Variants in STARD13 observed in about 807,000 individuals in gnomAD.
STARD13 encodes the protein StAR related lipid transfer domain containing 13.
Under a neutral mutation model 106.4 loss-of-function variants are expected in STARD13, and 62 were observed. The observed-to-expected ratio is 0.58, with a 90% CI of 0.48 to 0.72. The LOEUF (loss-of-function observed/expected upper bound fraction) is 0.72. Ranked by LOEUF, STARD13 falls within the 30% of genes least tolerant of loss-of-function variation. The pLI, the probability that STARD13 is intolerant of heterozygous loss-of-function variation, is 0.00. For synonymous variants in STARD13, 565 were observed against 553.0 expected, an observed-to-expected ratio of 1.02 and a Z score of -0.31; for missense variants, 1,387 against 1,424.0, an observed-to-expected ratio of 0.97 and a Z score of 0.42.
At chr13:33,151,360 T>C (rs1881257723) in intron 3 of STARD13, among the ~76,000 whole-genome samples, 1 of 151,720 alleles carries the variant, frequency 6.6e-6, no homozygotes, top group Non-Finnish European at 1.5e-5. Context: ...CAGCAGAAGG[T>C]GAAGAGAGGG....
chr13:33,369,694 A>G, the STARD13 span, among the ~76,000 whole-genome samples: 2 of 152,236 alleles, frequency 1.3e-5, no homozygotes, highest in African/African-American at 4.8e-5. Context: ...ATACATGCAC[A>G]TATAAGTGCA....
At chr13:33,276,743 A>G (rs1367972617) in intron 1 of STARD13, 1 of 152,180 alleles carries the variant, frequency 6.6e-6, no homozygotes, top group Non-Finnish European at 1.5e-5. Flanking sequence ...TGACATGTAA[A>G]TTAGGTACTT....
At chr13:33,548,103 T>C in the STARD13 span, among the ~76,000 whole-genome samples, 1 of 152,160 alleles carries the variant, frequency 6.6e-6, no homozygotes, top group Non-Finnish European at 1.5e-5. Context: ...TACAATATAG[T>C]TTTTGGGAAT....
In STARD13 at chr13:33,350,289, C is replaced by A; in HGVS notation, c.124+1G>T. ...GGTCGCGGCGTCTCCGGGGCACTGA[C>A]CTGCCAGCCGCCTCTCCCGGACGTT... is the stretch of plus-strand genomic sequence containing the variant. On this transcript the variant is annotated splice_donor_variant, in intron 1 of 1. Coordinates refer to the STARD13 transcript ENST00000439831. LOFTEE classifies it high-confidence loss of function. 6.5e-7 allele frequency: 1 copy of A among 1,531,056 alleles called. No individual in the cohort carries two copies. The highest frequency in any genetic ancestry group is 1.2e-5 in the South Asian group (1 of 83,332). The allele number at this position is 1,531,056 out of a possible 1,614,324, so 94.8% of individuals were successfully genotyped here.
At chr13:33,510,507 G>A in the STARD13 span, among the ~76,000 whole-genome samples, 1 of 152,252 alleles carries the variant, frequency 6.6e-6, no homozygotes, top group Admixed American at 6.5e-5. Context: ...CTCTAGGGCT[G>A]CTATCATGGA....
At chr13:33,182,337 G>A (rs775896091) in intron 1 of STARD13, among the ~76,000 whole-genome samples, 7 of 152,186 alleles carry the variant, frequency 4.6e-5, no homozygotes, top group Non-Finnish European at 5.9e-5. Flanking sequence ...ACAGTTCTAT[G>A]AGTCTGACAC....
At chr13:33,250,481 A>G (rs752845599) in intron 1 of STARD13, among the ~76,000 whole-genome samples, 2 of 152,210 alleles carry the variant, frequency 1.3e-5, no homozygotes, top group Non-Finnish European at 2.9e-5. Context: ...AGAGTTGCAG[A>G]TGTGGCATGG....
At chr13:33,564,814 A>G in the STARD13 span, among the ~76,000 whole-genome samples, 20 of 146,258 alleles carry the variant, frequency 1.4e-4, 1 homozygote, top group African/African-American at 4.6e-4. Flanking sequence ...TAACACGGTG[A>G]AACCCTGTCT....
the STARD13 span, among the ~76,000 whole-genome samples, chr13:33,370,231 G>A: frequency 6.6e-6 from 1 of 152,144 alleles, no homozygotes; most frequent in African/African-American, 2.4e-5. Flanking sequence ...TGAATCTATT[G>A]TAAACAGCTA....
intron 3 of STARD13, among the ~76,000 whole-genome samples, chr13:33,156,290 C>T (rs1049009716): frequency 5.3e-5 from 8 of 152,206 alleles, no homozygotes; most frequent in East Asian, 1.9e-4. Context: ...ATGTTGGGCA[C>T]GGCTCCTTCT....
the STARD13 span, among the ~76,000 whole-genome samples, chr13:33,511,872 C>G: frequency 3.3e-5 from 5 of 152,040 alleles, no homozygotes; most frequent in African/African-American, 1.2e-4. Context: ...ATACACTAGC[C>G]CCATGTAATA....
At chr13:33,658,896 A>C in the STARD13 span, among the ~76,000 whole-genome samples, 1 of 152,158 alleles carries the variant, frequency 6.6e-6, no homozygotes, top group Non-Finnish European at 1.5e-5. Flanking sequence ...GCAGTGATTT[A>C]ATCAATCATA....
At chr13:33,334,027 A>G (rs1275135210) in intron 1 of STARD13, 2 of 152,228 alleles carry the variant, frequency 1.3e-5, no homozygotes, top group South Asian at 2.1e-4. Context: ...TAAGACATCC[A>G]TGTGCTCTAA....
chr13:33,628,148 AACACAC>A, the STARD13 span, among the ~76,000 whole-genome samples: 562 of 133,432 alleles, frequency 4.2e-3, 2 homozygotes, highest in East Asian at 8.7e-3. Context: ...TCTCTTGTAA[AACACAC>A]ACACACACAC....
chr13:33,589,870 C>T, the STARD13 span, among the ~76,000 whole-genome samples: 2 of 152,062 alleles, frequency 1.3e-5, no homozygotes, highest in African/African-American at 4.8e-5. Flanking sequence ...CTTTCTGTCT[C>T]GTTGATCTGT....
rs114640119 is a variant in STARD13 at position 33,147,556 on chromosome 13, A to G, written c.324-5183T>C. Reference sequence around the variant, plus strand: ...TCAGTGGATACAACAAGGGATACAGACTTTAGAGAATTAGTTCCAGATATT... The same window carrying G: ...TCAGTGGATACAACAAGGGATACAGGCTTTAGAGAATTAGTTCCAGATATT... On this transcript the variant is annotated intron_variant, in intron 3 of 13. Coordinates refer to ENST00000336934, the MANE Select transcript of STARD13 (RefSeq NM_178006.4). Among the ~76,000 whole-genome samples, 566 of 152,334 alleles carry G rather than the reference A, an allele frequency of 3.7e-3. 3 individuals carry two copies. The highest frequency in any genetic ancestry group is 0.013 in the African/African-American group (535 of 41,580).
the STARD13 span, among the ~76,000 whole-genome samples, chr13:33,440,591 AT>A: frequency 2.0e-5 from 3 of 149,482 alleles, no homozygotes; most frequent in African/African-American, 7.4e-5. Context: ...TTATATGCTG[AT>A]TTCATTTACT....
the STARD13 span, among the ~76,000 whole-genome samples, chr13:33,441,791 G>A: frequency 1.3e-5 from 2 of 152,046 alleles, no homozygotes; most frequent in East Asian, 1.9e-4. Context: ...TATATTCTAC[G>A]CCTGTGCTCA....
the STARD13 span, among the ~76,000 whole-genome samples, chr13:33,622,255 C>T: frequency 6.6e-6 from 1 of 152,264 alleles, no homozygotes; most frequent in East Asian, 1.9e-4. Flanking sequence ...CTGACAAAGA[C>T]ATTAGAAATG....
Sources: allele counts gnomAD v4.1 joint callset (sites outside exome capture counted in the v4.1 genomes callset), GRCh38; gene constraint gnomAD v4.1.1; transcripts MANE v1.5; gene names NCBI Gene and HGNC (gene_info 2026-07-23, HGNC 2026-07-21).